DST: variants seen among roughly 807,000 people sequenced by gnomAD.
DST encodes bullous pemphigoid antigen.
Under a neutral mutation model 875.2 loss-of-function variants are expected in DST, and 253 were observed. That is an observed-to-expected ratio of 0.29 (90% CI 0.26 to 0.32). DST has a LOEUF of 0.32. DST is among the 10% of genes least tolerant of loss of function. DST has a pLI of 1.00. For synonymous variants in DST, 3,124 were observed against 3,197.1 expected (o/e 0.98, Z 0.77); for missense variants, 8,287 against 9,111.6 (o/e 0.91, Z 3.68).
At chr6:56,722,117 A>G (rs921141209) in intron 5 of DST, among the ~76,000 whole-genome samples, 3 of 142,472 alleles carry the variant, frequency 2.1e-5, no homozygotes, top group Admixed American at 1.4e-4. Flanking sequence ...GGACATTAAC[A>G]AAAAAAAAAA....
intron 4 of DST, among the ~76,000 whole-genome samples, chr6:56,835,355 G>A (rs930728348): frequency 1.8e-4 from 27 of 152,084 alleles, no homozygotes; most frequent in African/African-American, 5.8e-4. Context: ...AATCAACTAC[G>A]TAATTGATGA....
intron 10 of DST, among the ~76,000 whole-genome samples, chr6:56,666,751 T>C (rs1366079551): frequency 6.6e-6 from 1 of 151,670 alleles, no homozygotes; most frequent in Non-Finnish European, 1.5e-5. Flanking sequence ...TTTTTTTTTT[T>C]TTGAGACAGG....
intron 50 of DST, 34 bp downstream of exon 50, chr6:56,578,780 T>C (rs1186818470): frequency 4.4e-6 from 7 of 1,607,354 alleles, no homozygotes; most frequent in South Asian, 1.1e-5. Flanking sequence ...AGAATTTACC[T>C]GTGAGACAGG....
At chr6:56,591,924 G>A (rs1315429921) in intron 49 of DST, among the ~76,000 whole-genome samples, 2 of 146,708 alleles carry the variant, frequency 1.4e-5, no homozygotes, top group African/African-American at 2.6e-5. Flanking sequence ...GGCAGTTGCC[G>A]TGAGCTGAGA....
At chr6:56,670,160 GTGT>G (rs2099093896) in intron 10 of DST, among the ~76,000 whole-genome samples, 3 of 151,718 alleles carry the variant, frequency 2.0e-5, no homozygotes, top group Non-Finnish European at 4.4e-5. Context: ...GTGTGTGTGT[GTGT>G]GTGTGTGTGT....
In DST at chr6:56,601,451, C is replaced by T. The variant is rs540284495; in HGVS notation, c.11533G>A (p.Asp3845Asn). The T allele has an allele frequency of 3.8e-6, 6 of 1,588,406 alleles. No individual in the cohort carries two copies. Among genetic ancestry groups the T allele is most frequent in the Non-Finnish European group, 5.1e-6 (6 of 1,166,374 alleles). ...TQLHLEQDLD[D>N]QKIVAERQQE... ...CACGAAGAAAGGCAAACCTTCTGAT[C>T]ATCAAGATCTTGTTCTAGATGTAAC... Residue 3845 changes from aspartate to asparagine, a missense_variant, in exon 44 of 104, where the codon GAT becomes AAT. By Grantham distance (23) the Asp-to-Asn change is conservative. Transcript: ENST00000680361.
chr6:56,810,795 CT>C (rs1332011311), intron 4 of DST, among the ~76,000 whole-genome samples: 7 of 151,924 alleles, frequency 4.6e-5, no homozygotes, highest in African/African-American at 1.7e-4. Context: ...ATCATGTCAT[CT>C]TCATTAAGAA....
intron 103 of DST, among the ~76,000 whole-genome samples, chr6:56,459,703 T>C (rs1029614443): frequency 2.6e-5 from 4 of 152,168 alleles, no homozygotes; most frequent in Non-Finnish European, 5.9e-5. Flanking sequence ...ATTGGAAACT[T>C]TAAAGAGGCT....
At chr6:56,781,107 A>G (rs2099692770) in intron 4 of DST, among the ~76,000 whole-genome samples, 1 of 152,106 alleles carries the variant, frequency 6.6e-6, no homozygotes, top group African/African-American at 2.4e-5. Context: ...TACCAGTACC[A>G]TGCTGTTTTG....
Position 56,526,586 on chromosome 6 carries a change from G to C in DST, c.17923-19C>G. On this transcript the variant is annotated intron_variant, in intron 68 of 103. Coordinates refer to ENST00000680361, the MANE Select transcript of DST (RefSeq NM_001374736.1). ...TCAGTTCCTGAAAACATACAAATAA[G>C]TTAGTAACACTTAAGAGCTTCAACA... The C allele has an allele frequency of 6.2e-7, 1 of 1,608,994 alleles. No individual in the cohort carries two copies. The highest frequency in any genetic ancestry group is 8.5e-7 in the Non-Finnish European group (1 of 1,176,606).
chr6:56,568,305 A>T (rs2097717156), intron 55 of DST, among the ~76,000 whole-genome samples, 164 bp downstream of exon 55: 1 of 152,224 alleles, frequency 6.6e-6, no homozygotes, highest in South Asian at 2.1e-4. Flanking sequence ...ATTAGTACAG[A>T]TACATTCCCA....
At position 56,704,284 on chromosome 6, in the gene DST, G is replaced by A; in HGVS notation, c.773C>T (p.Thr258Ile). 8 of 1,483,034 alleles carry A rather than the reference G, an allele frequency of 5.4e-6. No homozygotes were observed. The highest frequency in any genetic ancestry group is 6.4e-6 in the Non-Finnish European group (7 of 1,085,462). The allele number at this position is 1,483,034 out of a possible 1,614,324, so 91.9% of individuals were successfully genotyped here. A position where few individuals can be genotyped will look rare whatever the true frequency, so the allele number is the denominator to read the frequency against. The change falls in exon 6 of 104, where the codon ACC becomes ATC. Residue 258 changes from threonine to isoleucine, a missense_variant. Physicochemically the swap from Thr to Ile is moderately conservative, Grantham distance 89. Transcript: ENST00000680361. ...AATAAGAAAGTTAAAACTTACCAAG[G>A]TATCTCCTGAAAGAACCTCTAAAAG... is the stretch of plus-strand genomic sequence containing the variant. ...ISLLEVLSGD[T>I]LPRERDFLKT...
chr6:56,682,397 C>A (rs1398176294), intron 9 of DST, among the ~76,000 whole-genome samples: 1 of 152,174 alleles, frequency 6.6e-6, no homozygotes, highest in African/African-American at 2.4e-5. Flanking sequence ...ATATTGAAAA[C>A]TAAGCTCAGC....
chr6:56,860,155 C>T (rs994741939), intron 3 of DST, among the ~76,000 whole-genome samples: 3 of 152,134 alleles, frequency 2.0e-5, no homozygotes, highest in African/African-American at 7.2e-5. Flanking sequence ...ACGTAAAGGA[C>T]CTGTGCTTTC....
At chr6:56,882,289 C>T (rs1782604675) in intron 3 of DST, among the ~76,000 whole-genome samples, 1 of 152,080 alleles carries the variant, frequency 6.6e-6, no homozygotes, top group Non-Finnish European at 1.5e-5. Context: ...CTGTAAGGAC[C>T]CCATTGCTTC....
chr6:56,816,375 G>T (rs2099766516), intron 4 of DST, among the ~76,000 whole-genome samples: 1 of 152,140 alleles, frequency 6.6e-6, no homozygotes, highest in African/African-American at 2.4e-5. Flanking sequence ...GAGGAGAATA[G>T]TGAGACCTGT....
At chr6:56,543,843 A>G (rs2097178530) in intron 61 of DST, among the ~76,000 whole-genome samples, 2 of 152,230 alleles carry the variant, frequency 1.3e-5, no homozygotes, top group African/African-American at 4.8e-5. Context: ...CTCAATATTC[A>G]TTCGATAAAT....
intron 4 of DST, among the ~76,000 whole-genome samples, chr6:56,847,083 CA>C (rs2099807992): frequency 6.6e-6 from 1 of 151,736 alleles, no homozygotes; most frequent in African/African-American, 2.4e-5. Flanking sequence ...TTGGGAGGCC[CA>C]GGCAGAAAAG....
chr6:56,708,665 C>T (rs983063286), intron 5 of DST, among the ~76,000 whole-genome samples: 1 of 152,052 alleles, frequency 6.6e-6, no homozygotes, highest in East Asian at 1.9e-4. Flanking sequence ...GAGTCAGTTT[C>T]CTCAGCACAA....
Sources: gnomAD v4.1 joint callset for allele counts (sites outside exome capture counted in the v4.1 genomes callset) on GRCh38, gnomAD v4.1.1 for gene constraint, MANE v1.5 for transcripts, NCBI Gene and HGNC (gene_info 2026-07-23, HGNC 2026-07-21) for gene names.